Variants in PYROXD2 observed in about 807,000 individuals in gnomAD.
PYROXD2 encodes the protein pyridine nucleotide-disulphide oxidoreductase domain 2.
A neutral mutation model predicts 71.1 loss-of-function variants in PYROXD2; 69 were observed. The ratio of observed to expected loss-of-function variants is 0.97; its 90% CI spans 0.80 to 1.19. PYROXD2 has a LOEUF of 1.19. PYROXD2 is among the 50% of genes most tolerant of loss of function. The pLI, the probability that PYROXD2 is intolerant of heterozygous loss-of-function variation, is 0.00. For missense variants in PYROXD2, 745 were observed against 748.9 expected (o/e 0.99, Z 0.06); for synonymous variants, 287 against 302.7 (o/e 0.95, Z 0.54).
intron 6 of PYROXD2, among the ~76,000 whole-genome samples, chr10:98,395,974 G>T (rs1843157932): frequency 6.6e-6 from 1 of 152,170 alleles, no homozygotes; most frequent in Non-Finnish European, 1.5e-5. Flanking sequence ...CCTGGGCCTA[G>T]CTTAGTGTCT....
chr10:98,398,095 C>T (rs1281577720), intron 5 of PYROXD2, among the ~76,000 whole-genome samples: 1 of 152,086 alleles, frequency 6.6e-6, no homozygotes, highest in African/African-American at 2.4e-5. Flanking sequence ...GTTGGCCAGG[C>T]TGGTCAAGAA....
intron 4 of PYROXD2, among the ~76,000 whole-genome samples, chr10:98,407,285 C>G (rs112325855): frequency 1.3e-5 from 2 of 152,334 alleles, no homozygotes; most frequent in East Asian, 3.9e-4. Flanking sequence ...TAAGCTCAGG[C>G]GCCCAAGGCT....
chr10:98,400,535 C>T (rs745516791), intron 4 of PYROXD2, among the ~76,000 whole-genome samples: 1 of 151,896 alleles, frequency 6.6e-6, no homozygotes, highest in Non-Finnish European at 1.5e-5. Context: ...CCATGCCATG[C>T]CACATCATAC....
chr10:98,413,439 G>C (rs1431950638), intron 1 of PYROXD2, among the ~76,000 whole-genome samples: 2 of 152,318 alleles, frequency 1.3e-5, no homozygotes, highest in East Asian at 3.9e-4. Context: ...AAGGAGGCCG[G>C]GCGCAGTGGC....
At chr10:98,398,039 C>T (rs1455082864) in intron 5 of PYROXD2, among the ~76,000 whole-genome samples, 3 of 152,046 alleles carry the variant, frequency 2.0e-5, no homozygotes, top group East Asian at 1.9e-4. Context: ...CCTGCCACCA[C>T]GCCCGGCTAA....
chr10:98,390,248 G>T (rs1590936910), intron 12 of PYROXD2, among the ~76,000 whole-genome samples: 1 of 152,214 alleles, frequency 6.6e-6, no homozygotes, highest in East Asian at 1.9e-4. Flanking sequence ...CGGAGCAGGG[G>T]ACTCGGTGAG....
intron 4 of PYROXD2, among the ~76,000 whole-genome samples, chr10:98,405,995 T>C (rs1385520230): frequency 6.6e-6 from 1 of 152,212 alleles, no homozygotes; most frequent in African/African-American, 2.4e-5. Context: ...CGCTCTCCAT[T>C]ATAGTTTTGG....
At position 98,390,713 on chromosome 10, in the gene PYROXD2, C is replaced by G; in HGVS notation, c.1177G>C (p.Ala393Pro). Reference protein sequence around the residue: ...RLPSFLAAPNAPRGQPLPHHQ... With the variant: ...RLPSFLAAPNPPRGQPLPHHQ... ...TGGGGCAGCGGCTGGCCCCTGGGAG[C>G]ATTGGGGGCCGCCAGGAAGCTGGGC... Residue 393 changes from alanine to proline, a missense_variant, in exon 12 of 16, where the codon GCT becomes CCT. By Grantham distance (27) the Ala-to-Pro change is conservative. Transcript: ENST00000370575. The G allele has an allele frequency of 6.2e-7, 1 of 1,609,584 alleles. No homozygotes were observed. Among genetic ancestry groups the G allele is most frequent in the East Asian group, 2.2e-5 (1 of 44,824 alleles).
At chr10:98,398,953 T>C (rs899202826) in intron 5 of PYROXD2, among the ~76,000 whole-genome samples, 2 of 151,798 alleles carry the variant, frequency 1.3e-5, no homozygotes, top group African/African-American at 4.8e-5. Context: ...CTGGGCAACA[T>C]AGTGAGACTT....
At chr10:98,409,946 C>T (rs1002181659) in intron 2 of PYROXD2, among the ~76,000 whole-genome samples, 12 of 152,112 alleles carry the variant, frequency 7.9e-5, no homozygotes, top group East Asian at 3.9e-4. Context: ...GGCATGATGG[C>T]GGCTGCCTGC....
intron 14 of PYROXD2, 53 bp downstream of exon 14, chr10:98,387,148 G>T: frequency 7.4e-7 from 1 of 1,343,894 alleles, no homozygotes; most frequent in Non-Finnish European, 1.1e-6. Context: ...TAGCCAGGAA[G>T]TGAGGGTGCA....
intron 1 of PYROXD2, chr10:98,411,208 T>C (rs74154418): frequency 0.019 from 10,638 of 567,346 alleles, 783 homozygotes; most frequent in African/African-American, 0.17. Context: ...CCTGGCTTGG[T>C]CAGGGGCTCT....
intron 1 of PYROXD2, among the ~76,000 whole-genome samples, chr10:98,412,412 G>A (rs1209655341): frequency 1.3e-5 from 2 of 152,152 alleles, no homozygotes; most frequent in Non-Finnish European, 2.9e-5. Context: ...CTGGGCCCTT[G>A]AGGAGCTGCT....
In PYROXD2 at chr10:98,384,978, G is replaced by T. The variant is rs368069638; in HGVS notation, c.1644C>A (p.Gly548=). The change falls in exon 15 of 16, where the codon GGC becomes GGA. Residue 548 remains glycine, a synonymous_variant. Transcript: ENST00000370575. ...GAGCCCCACTTCCACAGAGATACAG[G>T]CCCTGGAGAGGGCAGCGGTAGCCAG... ...LHSGYRCPLQ[G]LYLCGSGAHP... 2 of 1,613,786 alleles carry T rather than the reference G, an allele frequency of 1.2e-6. No homozygotes were observed. The highest frequency in any genetic ancestry group is 1.7e-6 in the Non-Finnish European group (2 of 1,179,950).
intron 1 of PYROXD2, among the ~76,000 whole-genome samples, chr10:98,412,750 T>C (rs1156971025): frequency 1.3e-5 from 2 of 152,096 alleles, no homozygotes; most frequent in South Asian, 2.1e-4. Flanking sequence ...AAAGAAATCA[T>C]GTCAAGGAAA....
In PYROXD2 at chr10:98,383,832, G is replaced by A; in HGVS notation, c.1712C>T (p.Ala571Val). The A allele has an allele frequency of 1.2e-6, 2 of 1,613,978 alleles. No homozygotes were observed. The highest frequency in any genetic ancestry group is 1.7e-6 in the Non-Finnish European group (2 of 1,179,982). The change falls in exon 16 of 16, where the codon GCA becomes GTA. Residue 571 changes from alanine to valine, a missense_variant. Physicochemically the swap from Ala to Val is moderately conservative, Grantham distance 64. Transcript: ENST00000370575. ...GVMGAAGRNA[A>V]HVAFRDLKSM ...CTTGAGGTCCCTAAAGGCCACATGT[G>A]CTGCATTTCGCCCAGCAGCTCCCAT... is the stretch of plus-strand genomic sequence containing the variant.
chr10:98,387,492 C>T (rs1291293904), intron 13 of PYROXD2, among the ~76,000 whole-genome samples, 185 bp from the exon 14 acceptor site: 1 of 152,210 alleles, frequency 6.6e-6, no homozygotes, highest in African/African-American at 2.4e-5. Flanking sequence ...ATGATTAATT[C>T]ATCCCAAAGA....
chr10:98,393,036 C>A lies in PYROXD2; in HGVS notation c.833G>T (p.Gly278Val). ...GCCCCCCTGGACGTAGCCCCAGGCC[C>A]CCTGCATTCCCTCCAGGCCCCCCAT... ...HVMGGLEGMQ[G>V]AWGYVQGGMG... The change falls in exon 9 of 16, where the codon GGG becomes GTG. Residue 278 changes from glycine to valine, a missense_variant. Gly to Val is a moderately radical substitution (Grantham distance 109). Transcript: ENST00000370575. The A allele has an allele frequency of 6.2e-7, 1 of 1,604,196 alleles. No homozygotes were observed. Among genetic ancestry groups the A allele is most frequent in the Non-Finnish European group, 8.5e-7 (1 of 1,174,990 alleles).
At chr10:98,396,107 A>T (rs1175084811) in intron 6 of PYROXD2, among the ~76,000 whole-genome samples, 3 of 152,220 alleles carry the variant, frequency 2.0e-5, no homozygotes, top group African/African-American at 7.2e-5. Context: ...CACTGGCTCC[A>T]TACTCTTTGC....
Sources: allele counts gnomAD v4.1 joint callset (sites outside exome capture counted in the v4.1 genomes callset), GRCh38; gene constraint gnomAD v4.1.1; transcripts MANE v1.5; gene names NCBI Gene and HGNC (gene_info 2026-07-23, HGNC 2026-07-21).